ATAD1: variants seen among roughly 807,000 people sequenced by gnomAD.
The protein encoded by ATAD1 is outer mitochondrial transmembrane helix translocase.
Under a neutral mutation model 42.7 loss-of-function variants are expected in ATAD1, and 18 were observed. The ratio of observed to expected loss-of-function variants is 0.42; its 90% CI spans 0.29 to 0.63. The LOEUF is 0.63. Ranked by LOEUF, ATAD1 falls within the 20% of genes least tolerant of loss-of-function variation. The pLI is 0.19. For missense variants in ATAD1, 294 were observed against 440.4 expected, an observed-to-expected ratio of 0.67 and a Z score of 2.98; for synonymous variants, 132 against 143.1, an observed-to-expected ratio of 0.92 and a Z score of 0.55.
intron 5 of ATAD1, among the ~76,000 whole-genome samples, chr10:87,777,608 AC>A (rs997746639): frequency 5.3e-5 from 8 of 151,916 alleles, no homozygotes; most frequent in African/African-American, 1.7e-4. Context: ...AAAAAAAAAA[AC>A]AGTAAAAATA....
chr10:87,822,936 C>CT (rs1172063977), upstream of ATAD1, among the ~76,000 whole-genome samples: 3 of 149,372 alleles, frequency 2.0e-5, no homozygotes, highest in Admixed American at 2.0e-4. Context: ...TACCCATAAA[C>CT]TTTTTTAAAA....
intron 4 of ATAD1, among the ~76,000 whole-genome samples, chr10:87,789,335 C>A (rs1855982721): frequency 6.6e-6 from 1 of 152,142 alleles, no homozygotes; most frequent in South Asian, 2.1e-4. Context: ...AAATTTGGAT[C>A]TGAACGCCAT....
intron 1 of ATAD1, among the ~76,000 whole-genome samples, chr10:87,815,826 C>T (rs1857391185): frequency 6.6e-6 from 1 of 152,108 alleles, no homozygotes. Context: ...AATCTAGAAT[C>T]TAGCTCCAGA....
chr10:87,769,470 C>T (rs1016842325), intron 7 of ATAD1, among the ~76,000 whole-genome samples: 1 of 152,192 alleles, frequency 6.6e-6, no homozygotes, highest in African/African-American at 2.4e-5. Context: ...ACTTCCCTGA[C>T]AGAATATTAG....
intron 1 of ATAD1, among the ~76,000 whole-genome samples, chr10:87,826,625 A>C (rs1191368676): frequency 6.6e-6 from 1 of 152,238 alleles, no homozygotes. Context: ...GCCACCTTCC[A>C]CATTACAGTC....
intron 1 of ATAD1, among the ~76,000 whole-genome samples, chr10:87,828,051 A>G (rs963979350): frequency 6.6e-6 from 1 of 152,064 alleles, no homozygotes; most frequent in Non-Finnish European, 1.5e-5. Flanking sequence ...TCAAATTCCC[A>G]GGCTCAAGCA....
intron 7 of ATAD1, among the ~76,000 whole-genome samples, chr10:87,768,027 T>C (rs1854846842): frequency 6.6e-6 from 1 of 152,214 alleles, no homozygotes; most frequent in African/African-American, 2.4e-5. Context: ...CCCTCTATAG[T>C]TCAGCAATCT....
chr10:87,790,506 T>C (rs1347230448), intron 3 of ATAD1, 76 bp from the exon 4 acceptor site: 2 of 1,419,030 alleles, frequency 1.4e-6, no homozygotes, highest in African/African-American at 1.5e-5. Flanking sequence ...CTCCCAAAAT[T>C]ACAAATGTTA....
At chr10:87,817,325 A>T (rs1048638275) in intron 1 of ATAD1, among the ~76,000 whole-genome samples, 1 of 152,246 alleles carries the variant, frequency 6.6e-6, no homozygotes, top group African/African-American at 2.4e-5. Context: ...CTGTATAAAC[A>T]TTAGGTTCAA....
intron 2 of ATAD1, among the ~76,000 whole-genome samples, chr10:87,810,848 C>T (rs1271334995): frequency 6.6e-6 from 1 of 152,112 alleles, no homozygotes. Flanking sequence ...ATAGGAGTAT[C>T]ATCTATGAAA....
chr10:87,761,433 G>A (rs1854479463), intron 8 of ATAD1, among the ~76,000 whole-genome samples: 1 of 152,158 alleles, frequency 6.6e-6, no homozygotes, highest in Admixed American at 6.5e-5. Context: ...AGGCTGAGAT[G>A]GGTGGATCTC....
chr10:87,784,573 C>G lies in ATAD1; in HGVS notation c.480G>C (p.Ser160=). ...AGCRFINLQP[S]TLTDKWYGES... ...CTCCATACCACTTATCGGTCAGTGT[C>G]GAAGGCTGAAGGTTAATAAATCGAC... Residue 160 remains serine (S), a synonymous_variant, in exon 5 of 10, where the codon TCG becomes TCC. Coordinates refer to ENST00000680024, the MANE Select transcript of ATAD1 (RefSeq NM_001321967.2). The G allele has an allele frequency of 6.2e-7, 1 of 1,613,610 alleles. No individual in the cohort carries two copies. The highest frequency in any genetic ancestry group is 8.5e-7 in the Non-Finnish European group (1 of 1,179,908).
chr10:87,786,665 A>G (rs1855848638), intron 4 of ATAD1, among the ~76,000 whole-genome samples: 1 of 152,158 alleles, frequency 6.6e-6, no homozygotes, highest in Non-Finnish European at 1.5e-5. Flanking sequence ...TTATTCAGTA[A>G]ACTGCTTTAT....
At chr10:87,835,841 G>T (rs1857919935) in intron 1 of ATAD1, among the ~76,000 whole-genome samples, 1 of 151,870 alleles carries the variant, frequency 6.6e-6, no homozygotes, top group Admixed American at 6.6e-5. Context: ...TAATGATTGG[G>T]ATCAAAATAT....
chr10:87,814,293 A>G, intron 2 of ATAD1, 145 bp downstream of exon 2: 1 of 601,212 alleles, frequency 1.7e-6, no homozygotes, highest in Non-Finnish European at 2.6e-6. Flanking sequence ...ACTTTGTAAG[A>G]GTAATAAAAC....
At chr10:87,807,122 T>C (rs1288476856) in intron 2 of ATAD1, among the ~76,000 whole-genome samples, 2 of 152,198 alleles carry the variant, frequency 1.3e-5, no homozygotes, top group African/African-American at 2.4e-5. Flanking sequence ...TTTTCTCTTG[T>C]TTATCTATCT....
At chr10:87,775,199 T>A (rs984298340) in intron 6 of ATAD1, among the ~76,000 whole-genome samples, 5 of 151,536 alleles carry the variant, frequency 3.3e-5, no homozygotes, top group Admixed American at 6.6e-5. Flanking sequence ...GGTGGGTGGA[T>A]CAGTTGAGGT....
upstream of ATAD1, chr10:87,818,271 TC>T: frequency 3.0e-6 from 3 of 984,746 alleles, no homozygotes; most frequent in Non-Finnish European, 3.6e-6. Flanking sequence ...GCGCACTCCC[TC>T]CCACGGAGCA....
intron 5 of ATAD1, among the ~76,000 whole-genome samples, chr10:87,780,952 A>C (rs1472072552): frequency 6.6e-6 from 1 of 152,144 alleles, no homozygotes; most frequent in Non-Finnish European, 1.5e-5. Flanking sequence ...AAAAACTAGG[A>C]CCATGGGGAG....
Sources: gnomAD v4.1 joint callset for allele counts (sites outside exome capture counted in the v4.1 genomes callset) on GRCh38, gnomAD v4.1.1 for gene constraint, MANE v1.5 for transcripts, NCBI Gene and HGNC (gene_info 2026-07-23, HGNC 2026-07-21) for gene names.